FEM1B: variants seen among roughly 807,000 people sequenced by gnomAD.
FEM1B encodes protein fem-1 homolog B.
Under a neutral mutation model 38.6 loss-of-function variants are expected in FEM1B, and 10 were observed. That is an observed-to-expected ratio of 0.26 (90% CI 0.16 to 0.44). FEM1B has a LOEUF of 0.44. Ranked by LOEUF, FEM1B falls within the 20% of genes least tolerant of loss-of-function variation. The probability of loss-of-function intolerance (pLI) is 1.00; values close to 1 mark genes in which losing one functional copy is unlikely to be tolerated. For missense variants in FEM1B, 471 were observed against 786.7 expected (o/e 0.60, Z 4.80); for synonymous variants, 288 against 288.0 (o/e 1.00, Z 0.00).
At chr15:68,282,974 A>G (rs1050597293) in intron 1 of FEM1B, among the ~76,000 whole-genome samples, 3 of 152,196 alleles carry the variant, frequency 2.0e-5, no homozygotes. Context: ...TTCTTTTGTC[A>G]TAGAATATCT....
In FEM1B at chr15:68,280,715, C is replaced by T. The variant is rs1238596042; in HGVS notation, c.248+2050C>T. 1.3e-5 allele frequency among the ~76,000 whole-genome samples: 2 copies of T among 152,084 alleles called. No homozygotes were observed. Among genetic ancestry groups the T allele is most frequent in the Admixed American group, 1.3e-4 (2 of 15,272 alleles). Reference sequence around the variant, plus strand: ...TGTGGGAGACTGGAGAGAGCTGGAGCCCAGATTTTGGTGATCCCTGTATAA... The same window carrying T: ...TGTGGGAGACTGGAGAGAGCTGGAGTCCAGATTTTGGTGATCCCTGTATAA... On this transcript the variant is annotated intron_variant, in intron 1 of 1. Coordinates refer to ENST00000306917, the MANE Select transcript of FEM1B (RefSeq NM_015322.5). The surrounding 1 kb of genome is among the most constrained non-coding windows in gnomAD (Gnocchi z 4.2).
At position 68,292,409 on chromosome 15, in the gene FEM1B, G is replaced by GT. The variant is rs554876974; in HGVS notation, c.*1174dup. 13 of 152,094 alleles carry GT rather than the reference G, an allele frequency of 8.5e-5. No homozygotes were observed. The highest frequency in any genetic ancestry group is 7.9e-4 in the Admixed American group (12 of 15,268). 9.4% of individuals were successfully genotyped at this position (152,094 alleles called of 1,614,324 possible). ...TACAGGCTATACAGAGGTCTTTATG[G>GT]TTTTTTTGTTTTGTTTTAATGGCAA... On this transcript the variant is annotated 3_prime_UTR_variant, in exon 2 of 2. Transcript: ENST00000306917.
chr15:68,289,912 A>C lies in FEM1B; in HGVS notation c.554A>C (p.His185Pro). 1.2e-6 allele frequency: 2 copies of C among 1,614,090 alleles called. No homozygotes were observed. Among genetic ancestry groups the C allele is most frequent in the Non-Finnish European group, 1.7e-6 (2 of 1,179,966 alleles). ...CGTGCTGATCCCAATGCCAAAGCAC[A>C]TTGTGGAGCCACAGCATTGCACTTT... is the stretch of plus-strand genomic sequence containing the variant. Reference protein sequence around the residue: ...EQRADPNAKAHCGATALHFAA... With the variant: ...EQRADPNAKAPCGATALHFAA... Residue 185 changes from histidine (H) to proline (P), a missense_variant, in exon 2 of 2, where the codon CAT becomes CCT. Physicochemically the swap from His to Pro is moderately conservative, Grantham distance 77. Transcript: ENST00000306917. This position sits in a 1 kb window ranked among gnomAD's most constrained non-coding sequence, Gnocchi z 6.9.
At chr15:68,286,453 T>C (rs993339841) in intron 1 of FEM1B, among the ~76,000 whole-genome samples, 16 of 150,972 alleles carry the variant, frequency 1.1e-4, no homozygotes, top group African/African-American at 3.7e-4. Context: ...CATGGCTCAT[T>C]GTAGCCTCGA....
rs368926800 is a variant in FEM1B at position 68,290,488 on chromosome 15, G to A, written c.1130G>A (p.Gly377Asp). ...CATGCCCTGCACCTCAGACAAAAAG[G>A]TAACAGGAACACCCACAAGGATCTT... is the stretch of plus-strand genomic sequence containing the variant. Reference protein sequence around the residue: ...WLHALHLRQKGNRNTHKDLLR... With the variant: ...WLHALHLRQKDNRNTHKDLLR... The change falls in exon 2 of 2, where the codon GGT becomes GAT. Residue 377 changes from glycine (G) to aspartate (D), a missense_variant. This residue lies in a region of FEM1B where 380 missense variants were observed against 599.6 expected (regional missense o/e 0.63). Transcript: ENST00000306917. This position sits in a 1 kb window ranked among gnomAD's most constrained non-coding sequence, Gnocchi z 9.7. 2.1e-5 allele frequency: 34 copies of A among 1,614,154 alleles called. No homozygotes were observed. Among genetic ancestry groups the A allele is most frequent in the South Asian group, 2.1e-4 (19 of 91,076 alleles).
At position 68,291,420 on chromosome 15, in the gene FEM1B, G is replaced by A; in HGVS notation, c.*178G>A. ...GCCTCATGGTAATTGATTTCAGACA[G>A]ACTTTAACAAAACCACATTGTTTTG... On this transcript the variant is annotated 3_prime_UTR_variant, in exon 2 of 2. Transcript: ENST00000306917. The surrounding 1 kb of genome is among the most constrained non-coding windows in gnomAD (Gnocchi z 6.9). The A allele has an allele frequency of 1.8e-6, 1 of 542,730 alleles. No homozygotes were observed. The allele number at this position is 542,730 out of a possible 1,614,324, so 33.6% of individuals were successfully genotyped here. A position where few individuals can be genotyped will look rare whatever the true frequency, so the allele number is the denominator to read the frequency against.
At position 68,284,047 on chromosome 15, in the gene FEM1B, G is replaced by A. The variant is rs2140243186; in HGVS notation, c.248+5382G>A. ...ATTACAGACATGCGCCACCACACCT[G>A]GCTAATTTTGTATTTTTAGTAGAGA... On this transcript the variant is annotated intron_variant, in intron 1 of 1. Transcript: ENST00000306917. The surrounding 1 kb of genome is among the most constrained non-coding windows in gnomAD (Gnocchi z 4.4). Among the ~76,000 whole-genome samples the A allele has an allele frequency of 6.6e-6, 1 of 152,000 alleles. No individual in the cohort carries two copies. The highest frequency in any genetic ancestry group is 2.4e-5 in the African/African-American group (1 of 41,470).
At chr15:68,283,496 T>C (rs1892749306) in intron 1 of FEM1B, among the ~76,000 whole-genome samples, 1 of 113,658 alleles carries the variant, frequency 8.8e-6, no homozygotes, top group Non-Finnish European at 1.7e-5. Flanking sequence ...AGACCTCATC[T>C]CTACCTAAAA....
At chr15:68,283,220 T>C (rs1272019687) in intron 1 of FEM1B, among the ~76,000 whole-genome samples, 1 of 152,142 alleles carries the variant, frequency 6.6e-6, no homozygotes, top group Non-Finnish European at 1.5e-5. Context: ...TAATCACTTT[T>C]TGTCTCTTTT....
At chr15:68,287,698 T>G (rs1043601953) in intron 1 of FEM1B, among the ~76,000 whole-genome samples, 1 of 152,156 alleles carries the variant, frequency 6.6e-6, no homozygotes, top group Non-Finnish European at 1.5e-5. Context: ...TTCTGGAAGC[T>G]GGAATGTTCA....
intron 1 of FEM1B, among the ~76,000 whole-genome samples, chr15:68,285,740 C>T (rs1892777411): frequency 6.6e-6 from 1 of 150,714 alleles, no homozygotes. Flanking sequence ...TGCTGTGTCG[C>T]GCAGGCTGGT....
intron 1 of FEM1B, among the ~76,000 whole-genome samples, chr15:68,283,373 T>A (rs1173243792): frequency 1.3e-5 from 2 of 151,820 alleles, no homozygotes; most frequent in African/African-American, 4.8e-5. Flanking sequence ...TTATATGTTT[T>A]AAAAACCAGG....
intron 1 of FEM1B, among the ~76,000 whole-genome samples, chr15:68,286,293 C>T (rs1374453305): frequency 6.7e-6 from 1 of 149,828 alleles, no homozygotes; most frequent in Non-Finnish European, 1.5e-5. Context: ...TGTAGTTTGT[C>T]CTCTAACTTT....
chr15:68,291,969 GTC>G lies in FEM1B; in HGVS notation c.*729_*730del, dbSNP rs766963544. 1 of 152,132 alleles carries G rather than the reference GTC, an allele frequency of 6.6e-6. No individual in the cohort carries two copies. Among genetic ancestry groups the G allele is most frequent in the Non-Finnish European group, 1.5e-5 (1 of 67,998 alleles). 9.4% of individuals were successfully genotyped at this position (152,132 alleles called of 1,614,324 possible). On this transcript the variant is annotated 3_prime_UTR_variant, in exon 2 of 2. Transcript: ENST00000306917. The surrounding 1 kb of genome is among the most constrained non-coding windows in gnomAD (Gnocchi z 6.9). ...TGCCTTTAGGCTTGAATTCTTCAAAGTCTATTTTAATGAAATTTATCTAAATT... is the reference window on the plus strand; with the variant it reads ...TGCCTTTAGGCTTGAATTCTTCAAAGTATTTTAATGAAATTTATCTAAATT...
At position 68,291,933 on chromosome 15, in the gene FEM1B, T is replaced by TTGA. The variant is rs1268533072; in HGVS notation, c.*694_*696dup. ...TCTTAAACCAACTTTTCAGAGAATCTTGATGGACTCTGCCTTTAGGCTTGA... is the reference window on the plus strand; with the variant it reads ...TCTTAAACCAACTTTTCAGAGAATCTTGATGATGGACTCTGCCTTTAGGCTTGA... On this transcript the variant is annotated 3_prime_UTR_variant, in exon 2 of 2. Coordinates refer to ENST00000306917, the MANE Select transcript of FEM1B (RefSeq NM_015322.5). This position sits in a 1 kb window ranked among gnomAD's most constrained non-coding sequence, Gnocchi z 6.9. The TTGA allele has an allele frequency of 4.2e-4, 64 of 152,246 alleles. No individual in the cohort carries two copies. The highest frequency in any genetic ancestry group is 1.5e-3 in the African/African-American group (62 of 41,482). 9.4% of individuals were successfully genotyped at this position (152,246 alleles called of 1,614,324 possible).
At chr15:68,286,672 A>G (rs192081746) in intron 1 of FEM1B, among the ~76,000 whole-genome samples, 156 of 152,180 alleles carry the variant, frequency 1.0e-3, no homozygotes, top group African/African-American at 3.7e-3. Context: ...TCAGTGTAGA[A>G]GTCTTGTGCA....
Position 68,290,270 on chromosome 15 carries a change from T to C in FEM1B, c.912T>C (p.Asn304=), listed in dbSNP as rs758932225. ...TTCCACCAATCCATGCTTATGGGAATAGAACTGAATGTAGAAATCCTCAGG... is the reference window on the plus strand; with the variant it reads ...TTCCACCAATCCATGCTTATGGGAACAGAACTGAATGTAGAAATCCTCAGG... ...EVLPPIHAYG[N]RTECRNPQEL... is the part of the protein sequence containing the mutation. The change falls in exon 2 of 2, where the codon AAT becomes AAC. Residue 304 remains asparagine, a synonymous_variant. Transcript: ENST00000306917. This position sits in a 1 kb window ranked among gnomAD's most constrained non-coding sequence, Gnocchi z 9.7. The C allele has an allele frequency of 1.9e-6, 3 of 1,614,088 alleles. No individual in the cohort carries two copies. Among genetic ancestry groups the C allele is most frequent in the East Asian group, 2.2e-5 (1 of 44,890 alleles).
Position 68,288,587 on chromosome 15 carries a change from G to A in FEM1B, c.249-1020G>A, listed in dbSNP as rs1019101913. On this transcript the variant is annotated intron_variant, in intron 1 of 1. Coordinates refer to ENST00000306917, the MANE Select transcript of FEM1B (RefSeq NM_015322.5). This position sits in a 1 kb window ranked among gnomAD's most constrained non-coding sequence, Gnocchi z 4.6. Reference sequence around the variant, plus strand: ...CAGACTCTAGCAATAGTCTAATTTTGTATGTTAAGTAGTGAATCTAGCACA... The same window carrying A: ...CAGACTCTAGCAATAGTCTAATTTTATATGTTAAGTAGTGAATCTAGCACA... 5.3e-5 allele frequency among the ~76,000 whole-genome samples: 8 copies of A among 152,284 alleles called. No individual in the cohort carries two copies. Among genetic ancestry groups the A allele is most frequent in the Admixed American group, 3.9e-4 (6 of 15,300 alleles).
rs571720506 is a variant in FEM1B, at chr15:68,287,562, G to T, written c.249-2045G>T. Among the ~76,000 whole-genome samples, 3 of 152,300 alleles carry T rather than the reference G, an allele frequency of 2.0e-5. No homozygotes were observed. The South Asian group carries it at 6.2e-4, about 32-fold the overall frequency. ...GTATTTTCAGTAGAAGTGATAAAGG[G>T]TATTGTTTTTTGTGGTGATGTTAAC... is the stretch of plus-strand genomic sequence containing the variant. On this transcript the variant is annotated intron_variant, in intron 1 of 1. Coordinates refer to ENST00000306917, the MANE Select transcript of FEM1B (RefSeq NM_015322.5).
Sources: allele counts gnomAD v4.1 joint callset (sites outside exome capture counted in the v4.1 genomes callset), GRCh38; gene constraint gnomAD v4.1.1; regional missense constraint gnomAD v4.1.1; non-coding constraint Gnocchi (gnomAD v3.1); transcripts MANE v1.5; gene names NCBI Gene and HGNC (gene_info 2026-07-23, HGNC 2026-07-21).